NALF1: variants seen among roughly 807,000 people sequenced by gnomAD.
The protein encoded by NALF1 is NALCN channel auxiliary factor 1, also known as family with sequence similarity 155 member A.
Under a neutral mutation model 48.4 loss-of-function variants are expected in NALF1, and 3 were observed. That is an observed-to-expected ratio of 0.06 (90% confidence interval 0.03 to 0.16). The LOEUF is 0.16. Among genes scored for constraint, NALF1 ranks in the 10% least tolerant of loss-of-function variants. The probability of loss-of-function intolerance (pLI) is 1.00; values close to 1 mark genes in which losing one functional copy is unlikely to be tolerated. For missense variants in NALF1, 526 were observed against 571.5 expected, an observed-to-expected ratio of 0.92 and a Z score of 0.81; for synonymous variants, 262 against 245.7, an observed-to-expected ratio of 1.07 and a Z score of -0.62.
At chr13:107,486,703 C>T (rs1430270195) in intron 1 of NALF1, among the ~76,000 whole-genome samples, 1 of 152,110 alleles carries the variant, frequency 6.6e-6, no homozygotes. Context: ...ATCTTCTTTC[C>T]AATCTCATTT....
At chr13:107,348,657 T>C (rs918046801) in intron 1 of NALF1, among the ~76,000 whole-genome samples, 1 of 151,070 alleles carries the variant, frequency 6.6e-6, no homozygotes, top group Non-Finnish European at 1.5e-5. Context: ...CATGTTCTCA[T>C]TGTTCAACTC....
chr13:107,596,183 TACAGC>T, intron 1 of NALF1, among the ~76,000 whole-genome samples: 1 of 152,108 alleles, frequency 6.6e-6, no homozygotes, highest in African/African-American at 2.4e-5. Context: ...CTCAGGAAGC[TACAGC>T]CTCTAAAGAA....
chr13:107,748,938 T>G (rs1435048007), intron 1 of NALF1, among the ~76,000 whole-genome samples: 1 of 152,004 alleles, frequency 6.6e-6, no homozygotes, highest in African/African-American at 2.4e-5. Context: ...ACAATACACA[T>G]GAGGAATGCT....
chr13:107,323,726 A>G (rs1882299420), intron 1 of NALF1, among the ~76,000 whole-genome samples: 1 of 152,174 alleles, frequency 6.6e-6, no homozygotes, highest in Admixed American at 6.6e-5. Context: ...CACAACAACT[A>G]AATTATGAAA....
In NALF1 at chr13:107,560,474, T is replaced by C. The variant is rs181077789; in HGVS notation, c.915+305208A>G. Among the ~76,000 whole-genome samples, 697 of 152,280 alleles carry C rather than the reference T, an allele frequency of 4.6e-3. 2 individuals are homozygous for C. The highest frequency in any genetic ancestry group is 7.8e-3 in the Non-Finnish European group (533 of 68,016). On this transcript the variant is annotated intron_variant, in intron 1 of 2. Transcript: ENST00000375915. ...ATGTCTTTCTCACTCCAAATGTAAA[T>C]ATATTTTATGGTTTCTTTCAGTACT... is the stretch of plus-strand genomic sequence containing the variant.
intron 1 of NALF1, among the ~76,000 whole-genome samples, chr13:107,851,805 CT>C (rs34999908): frequency 0.02 from 2,054 of 104,670 alleles, 20 homozygotes; most frequent in African/African-American, 0.052. Flanking sequence ...CAGGCCCTTT[CT>C]TTTTTTTTTT....
At chr13:107,741,542 T>C (rs898826909) in intron 1 of NALF1, among the ~76,000 whole-genome samples, 1 of 142,454 alleles carries the variant, frequency 7.0e-6, no homozygotes, top group African/African-American at 2.6e-5. Context: ...GAGAAAATGA[T>C]GGTACTATAA....
chr13:107,513,653 TCA>T (rs1269326664), intron 1 of NALF1, among the ~76,000 whole-genome samples: 2 of 152,290 alleles, frequency 1.3e-5, no homozygotes, highest in Middle Eastern at 3.4e-3. Flanking sequence ...ATAGAAGAGA[TCA>T]CAGATTCTCT....
intron 1 of NALF1, among the ~76,000 whole-genome samples, chr13:107,506,143 A>G (rs936409135): frequency 6.6e-6 from 1 of 152,174 alleles, no homozygotes; most frequent in Non-Finnish European, 1.5e-5. Flanking sequence ...CACTCAAAAT[A>G]TCAAACTTCA....
chr13:107,593,096 C>T (rs918952772), intron 1 of NALF1, among the ~76,000 whole-genome samples: 1 of 151,792 alleles, frequency 6.6e-6, no homozygotes, highest in Non-Finnish European at 1.5e-5. Flanking sequence ...GGTGGTCCTG[C>T]ATCTCCTTGA....
chr13:107,613,557 A>T (rs1036414149), intron 1 of NALF1, among the ~76,000 whole-genome samples: 12 of 152,162 alleles, frequency 7.9e-5, no homozygotes, highest in Non-Finnish European at 1.5e-4. Flanking sequence ...GTACTTCTAG[A>T]TTTCAGTCCA....
chr13:107,483,120 GTC>G (rs1318116557), intron 1 of NALF1, among the ~76,000 whole-genome samples: 1 of 152,262 alleles, frequency 6.6e-6, no homozygotes, highest in East Asian at 1.9e-4. Flanking sequence ...CACTGATTAT[GTC>G]TGTTTTTATT....
At chr13:107,512,058 T>C (rs963568004) in intron 1 of NALF1, among the ~76,000 whole-genome samples, 2 of 152,240 alleles carry the variant, frequency 1.3e-5, no homozygotes, top group African/African-American at 4.8e-5. Context: ...CTGGAGTTTA[T>C]CTGAAGCATA....
At chr13:107,364,137 T>C (rs1323296979) in intron 1 of NALF1, among the ~76,000 whole-genome samples, 1 of 152,238 alleles carries the variant, frequency 6.6e-6, no homozygotes, top group Non-Finnish European at 1.5e-5. Flanking sequence ...TGTTTTAAAG[T>C]ATCTTCTTTT....
chr13:107,607,240 A>T (rs1879098406), intron 1 of NALF1, among the ~76,000 whole-genome samples: 1 of 152,178 alleles, frequency 6.6e-6, no homozygotes, highest in Non-Finnish European at 1.5e-5. Flanking sequence ...AAATAAGAGT[A>T]CTGCATAGTA....
At chr13:107,768,683 A>G (rs994293309) in intron 1 of NALF1, among the ~76,000 whole-genome samples, 3 of 152,206 alleles carry the variant, frequency 2.0e-5, no homozygotes, top group Admixed American at 2.0e-4. Context: ...TACCAATAAC[A>G]TTAATAATGA....
intron 1 of NALF1, among the ~76,000 whole-genome samples, chr13:107,676,694 A>G (rs1881134632): frequency 6.6e-6 from 1 of 152,012 alleles, no homozygotes; most frequent in South Asian, 2.1e-4. Flanking sequence ...ATGAAAGGGG[A>G]AGATATTTAT....
chr13:107,570,198 C>G (rs868114240), intron 1 of NALF1, among the ~76,000 whole-genome samples: 1 of 151,576 alleles, frequency 6.6e-6, no homozygotes, highest in Non-Finnish European at 1.5e-5. Flanking sequence ...TCTTGCATTA[C>G]AGCTGAGACT....
At position 107,312,574 on chromosome 13, in the gene NALF1, TA is replaced by T. The variant is rs910009488; in HGVS notation, c.916-101820del. Among the ~76,000 whole-genome samples, 151 of 150,526 alleles carry T rather than the reference TA, an allele frequency of 1.0e-3. No homozygotes were observed. The Middle Eastern group carries it at 0.017, about 17-fold the overall frequency. On this transcript the variant is annotated intron_variant, in intron 1 of 2. Transcript: ENST00000375915. ...TACCCTAAAGCTTAAAGTATAATAA[TA>T]AAAAAAAAGACTGCAAAATTAGACA...
Sources: gnomAD v4.1 joint callset for allele counts (sites outside exome capture counted in the v4.1 genomes callset) on GRCh38, gnomAD v4.1.1 for gene constraint, MANE v1.5 for transcripts, NCBI Gene and HGNC (gene_info 2026-07-23, HGNC 2026-07-21) for gene names.